The following FOCAD variants were observed in gnomAD, a reference collection of about 807,000 sequenced individuals.
FOCAD encodes KIAA1797.
Under a neutral mutation model 225.6 loss-of-function variants are expected in FOCAD, and 198 were observed. The ratio of observed to expected loss-of-function variants is 0.88; its 90% CI spans 0.78 to 0.99. The LOEUF (loss-of-function observed/expected upper bound fraction) is 0.99, where lower values mean the gene tolerates loss of function less well. Ranked by LOEUF, FOCAD falls within the 50% of genes least tolerant of loss-of-function variation. The probability of loss-of-function intolerance (pLI) is 0.00; values close to 1 mark genes in which losing one functional copy is unlikely to be tolerated. For missense variants in FOCAD, 2,713 were observed against 2,123.6 expected (o/e 1.28, Z -5.46); for synonymous variants, 897 against 755.0 (o/e 1.19, Z -3.08).
At chr9:20,837,282 C>T (rs1225487802) in intron 15 of FOCAD, among the ~76,000 whole-genome samples, 2 of 151,986 alleles carry the variant, frequency 1.3e-5, no homozygotes, top group Non-Finnish European at 2.9e-5. Flanking sequence ...GAAGGCTGTT[C>T]AGGGTGTCCA....
At chr9:20,759,608 C>T (rs1020913666) in intron 6 of FOCAD, among the ~76,000 whole-genome samples, 18 of 152,002 alleles carry the variant, frequency 1.2e-4, no homozygotes, top group Admixed American at 1.0e-3. Flanking sequence ...CCATAAAAAC[C>T]GTAGAAGAAA....
At position 20,911,115 on chromosome 9, in the gene FOCAD, A is replaced by G. The variant is rs560072892; in HGVS notation, c.2719-1751A>G. 4.6e-5 allele frequency among the ~76,000 whole-genome samples: 7 copies of G among 152,216 alleles called. No homozygotes were observed. The South Asian group carries it at 1.5e-3, about 32-fold the overall frequency. On this transcript the variant is annotated intron_variant, in intron 22 of 43. Transcript: ENST00000338382. The stretch of plus-strand genomic sequence containing the variant: ...GAAGCATAACTGAGACAGGCAATAA[A>G]AATTGTTTTATACTTTGTTTTGCCT...
chr9:20,977,678 G>C (rs1234981179), intron 36 of FOCAD, among the ~76,000 whole-genome samples: 1 of 152,156 alleles, frequency 6.6e-6, no homozygotes, highest in African/African-American at 2.4e-5. Context: ...TAATTTATGT[G>C]TGGTTTCAGA....
chr9:20,886,604 G>C (rs1831121286), intron 21 of FOCAD, among the ~76,000 whole-genome samples: 1 of 152,222 alleles, frequency 6.6e-6, no homozygotes. Context: ...TTTGGGTTAA[G>C]ATACTTGTTG....
intron 11 of FOCAD, among the ~76,000 whole-genome samples, chr9:20,809,733 G>A (rs1231507164): frequency 6.6e-6 from 1 of 152,068 alleles, no homozygotes; most frequent in South Asian, 2.1e-4. Context: ...TCTTAACTAG[G>A]CTGTGAACCA....
chr9:20,884,673 A>G (rs1426984946), intron 20 of FOCAD, among the ~76,000 whole-genome samples: 1 of 152,124 alleles, frequency 6.6e-6, no homozygotes, highest in African/African-American at 2.4e-5. Context: ...CAAAAATCAT[A>G]ATTTGCTTAA....
chr9:20,897,511 T>G (rs184318714), intron 21 of FOCAD, among the ~76,000 whole-genome samples: 2 of 151,876 alleles, frequency 1.3e-5, no homozygotes, highest in Admixed American at 1.3e-4. Flanking sequence ...ATTTTTTCTC[T>G]TTTGTTAGCA....
intron 15 of FOCAD, among the ~76,000 whole-genome samples, chr9:20,838,462 A>C (rs758345930): frequency 2.6e-5 from 4 of 152,054 alleles, no homozygotes; most frequent in Non-Finnish European, 5.9e-5. Flanking sequence ...CATTTGAGCA[A>C]TTTACTTGCT....
At chr9:20,882,129 A>G in intron 20 of FOCAD, 73 bp downstream of exon 20, 1 of 1,324,402 alleles carries the variant, frequency 7.6e-7, no homozygotes, top group Non-Finnish European at 1.0e-6. Context: ...CAAGTAGGAT[A>G]TAATGGGCCA....
At chr9:20,821,996 TAAAAAAAA>T (rs58640962) in intron 14 of FOCAD, among the ~76,000 whole-genome samples, 1 of 49,300 alleles carries the variant, frequency 2.0e-5, no homozygotes, top group South Asian at 1.0e-3. Flanking sequence ...TAAAAGTTAC[TAAAAAAAA>T]AAAAAAAAAA....
intron 4 of FOCAD, among the ~76,000 whole-genome samples, chr9:20,733,522 A>G (rs1826885225): frequency 6.6e-6 from 1 of 151,906 alleles, no homozygotes; most frequent in Non-Finnish European, 1.5e-5. Flanking sequence ...CCATCCCACA[A>G]CAGTCCCCAG....
chr9:20,981,780 G>A, intron 38 of FOCAD, 94 bp downstream of exon 38: 1 of 1,378,086 alleles, frequency 7.3e-7, no homozygotes, highest in Admixed American at 2.2e-5. Flanking sequence ...TTTTAAGAAT[G>A]TGGGTGGGAA....
chr9:20,938,420 A>G (rs865907089), intron 28 of FOCAD, among the ~76,000 whole-genome samples: 57 of 152,162 alleles, frequency 3.7e-4, no homozygotes, highest in South Asian at 4.1e-4. Context: ...ATGAGTTCAT[A>G]TCCTTTGTAG....
intron 16 of FOCAD, among the ~76,000 whole-genome samples, chr9:20,863,970 T>C (rs1048250576): frequency 1.3e-5 from 2 of 152,060 alleles, no homozygotes; most frequent in African/African-American, 4.8e-5. Context: ...AGATTTTACA[T>C]TCTTTTCCTT....
At position 20,925,276 on chromosome 9, in the gene FOCAD, A is replaced by G. The variant is rs139750971; in HGVS notation, c.2962-1025A>G. The stretch of plus-strand genomic sequence containing the variant: ...CATAGATCTACAACCTAAAATGTCA[A>G]TGCCCCTTTCTATGATCCCTTCACT... On this transcript the variant is annotated intron_variant, in intron 25 of 43. Coordinates refer to ENST00000338382, the MANE Select transcript of FOCAD (RefSeq NM_001375567.1). Among the ~76,000 whole-genome samples, 459 of 152,324 alleles carry G rather than the reference A, an allele frequency of 3.0e-3. 4 individuals are homozygous for G. Among genetic ancestry groups the G allele is most frequent in the Non-Finnish European group, 5.0e-3 (339 of 68,022 alleles).
At chr9:20,915,138 T>G (rs1212994276) in intron 23 of FOCAD, among the ~76,000 whole-genome samples, 1 of 152,110 alleles carries the variant, frequency 6.6e-6, no homozygotes, top group Non-Finnish European at 1.5e-5. Context: ...AGCCTCCAAT[T>G]AGAGATAGCA....
At chr9:20,846,678 T>G (rs1356713806) in intron 15 of FOCAD, among the ~76,000 whole-genome samples, 2 of 152,046 alleles carry the variant, frequency 1.3e-5, no homozygotes, top group East Asian at 3.9e-4. Context: ...ATGTAGAAAG[T>G]AGAGTGATTG....
chr9:20,685,903 T>A (rs1183260701), intron 1 of FOCAD, among the ~76,000 whole-genome samples: 1 of 152,144 alleles, frequency 6.6e-6, no homozygotes, highest in Non-Finnish European at 1.5e-5. Flanking sequence ...TAATAAATAG[T>A]TTGAAATCAA....
rs772139442 is a variant in FOCAD, at chr9:20,885,144, C to G, written c.2539C>G (p.Gln847Glu). 1.7e-5 allele frequency: 26 copies of G among 1,524,958 alleles called. 1 individual carries two copies. In the East Asian group the frequency reaches 2.4e-4, roughly 14 times the overall value. The allele number at this position is 1,524,958 out of a possible 1,614,324, so 94.5% of individuals were successfully genotyped here. A position where few individuals can be genotyped will look rare whatever the true frequency, so the allele number is the denominator to read the frequency against. The change falls in exon 21 of 44, where the codon CAG becomes GAG. Residue 847 changes from glutamine to glutamate, a missense_variant. Gln to Glu is a conservative substitution (Grantham distance 29, BLOSUM62 2). Transcript: ENST00000338382. ...ATTTTGCTATGATGTTTCCATGTATCAGAGTAAAGATGGAAAACCATTGAA... is the reference window on the plus strand; with the variant it reads ...ATTTTGCTATGATGTTTCCATGTATGAGAGTAAAGATGGAAAACCATTGAA... ...MLFCYDVSMY[Q>E]SKDGKPLNRL...
Sources: allele counts gnomAD v4.1 joint callset (sites outside exome capture counted in the v4.1 genomes callset), GRCh38; gene constraint gnomAD v4.1.1; transcripts MANE v1.5; gene names NCBI Gene and HGNC (gene_info 2026-07-23, HGNC 2026-07-21).